Variants in TMEM131 observed in about 807,000 individuals in gnomAD.
The protein encoded by TMEM131 is transmembrane protein 131.
Under a neutral mutation model 211.6 loss-of-function variants are expected in TMEM131, and 66 were observed. The observed-to-expected ratio is 0.31, with a 90% CI of 0.26 to 0.38. The LOEUF is 0.38. TMEM131 is among the 10% of genes least tolerant of loss of function. The probability of loss-of-function intolerance (pLI) is 1.00; values close to 1 mark genes in which losing one functional copy is unlikely to be tolerated. For synonymous variants in TMEM131, 844 were observed against 841.3 expected, an observed-to-expected ratio of 1.00 and a Z score of -0.06; for missense variants, 2,036 against 2,299.3, an observed-to-expected ratio of 0.89 and a Z score of 2.34.
chr2:97,946,287 A>T (rs1678035777), intron 1 of TMEM131, among the ~76,000 whole-genome samples: 1 of 152,038 alleles, frequency 6.6e-6, no homozygotes, highest in Non-Finnish European at 1.5e-5. Flanking sequence ...AATAAAGTAG[A>T]AAGCAGAAAA....
chr2:97,898,280 A>C (rs1232503237), intron 3 of TMEM131, among the ~76,000 whole-genome samples: 1 of 152,106 alleles, frequency 6.6e-6, no homozygotes, highest in Non-Finnish European at 1.5e-5. Context: ...TAAAGCTATA[A>C]ATGTCTATTT....
At chr2:97,963,479 C>G (rs1678909999) in intron 1 of TMEM131, among the ~76,000 whole-genome samples, 2 of 152,114 alleles carry the variant, frequency 1.3e-5, no homozygotes, top group Admixed American at 6.5e-5. Context: ...TTTTGGGAGG[C>G]TGAGGTGAGC....
At chr2:97,825,763 T>A (rs1682352407) in intron 11 of TMEM131, among the ~76,000 whole-genome samples, 1 of 152,160 alleles carries the variant, frequency 6.6e-6, no homozygotes, top group East Asian at 1.9e-4. Context: ...AGAAAACTGA[T>A]GTAGTAGCAA....
intron 1 of TMEM131, 117 bp from the exon 2 acceptor site, chr2:97,927,604 G>T: frequency 2.7e-6 from 2 of 728,606 alleles, no homozygotes; most frequent in Non-Finnish European, 2.0e-6. Context: ...CTGCTTAATG[G>T]TGATGGTTGA....
intron 1 of TMEM131, among the ~76,000 whole-genome samples, chr2:97,954,411 C>T (rs776356115): frequency 1.3e-5 from 2 of 152,110 alleles, no homozygotes; most frequent in Non-Finnish European, 2.9e-5. Flanking sequence ...TTTGAAAATA[C>T]GGACCAATTC....
At chr2:97,802,104 A>C in intron 24 of TMEM131, 143 bp from the exon 25 acceptor site, 1 of 528,194 alleles carries the variant, frequency 1.9e-6, no homozygotes. Context: ...TATAGCCTTA[A>C]GAAAATTAAA....
chr2:97,954,186 A>T lies in TMEM131; in HGVS notation c.188-26699T>A, dbSNP rs78568909. ...ACAAGAGCAGAAACCAATGAAATTG[A>T]AAACAGGAAAATAACAACAACAAAA... On this transcript the variant is annotated intron_variant, in intron 1 of 40. Transcript: ENST00000186436. Among the ~76,000 whole-genome samples the T allele has an allele frequency of 2.0e-5, 3 of 152,320 alleles. No individual in the cohort carries two copies. The East Asian group carries it at 5.8e-4, about 29-fold the overall frequency.
chr2:97,828,831 G>A (rs543552799), intron 11 of TMEM131, among the ~76,000 whole-genome samples: 1 of 152,206 alleles, frequency 6.6e-6, no homozygotes, highest in Non-Finnish European at 1.5e-5. Flanking sequence ...TGGAGTTGGG[G>A]AACATGGCAT....
At chr2:97,939,597 T>G (rs1677622513) in intron 1 of TMEM131, among the ~76,000 whole-genome samples, 1 of 152,148 alleles carries the variant, frequency 6.6e-6, no homozygotes, top group Admixed American at 6.5e-5. Context: ...ACCAGAGGTA[T>G]AAAGAGGAGC....
intron 6 of TMEM131, 41 bp downstream of exon 6, chr2:97,844,104 T>C: frequency 1.8e-6 from 1 of 563,142 alleles, no homozygotes; most frequent in Non-Finnish European, 2.8e-6. Context: ...GCAGAGGTAA[T>C]GATTATATTG....
At chr2:97,811,926 C>CT (rs1463079737) in intron 17 of TMEM131, among the ~76,000 whole-genome samples, 1 of 148,188 alleles carries the variant, frequency 6.7e-6, no homozygotes, top group Non-Finnish European at 1.5e-5. Flanking sequence ...GTTTAGCGCT[C>CT]TCTGACAACC....
intron 4 of TMEM131, among the ~76,000 whole-genome samples, chr2:97,883,653 T>C (rs980807333): frequency 2.6e-5 from 4 of 152,234 alleles, no homozygotes; most frequent in African/African-American, 4.8e-5. Context: ...GAAATAGTCA[T>C]GGTTGTGTTT....
intron 3 of TMEM131, among the ~76,000 whole-genome samples, chr2:97,901,800 G>T (rs1040160400): frequency 3.0e-4 from 46 of 152,270 alleles, no homozygotes; most frequent in Middle Eastern, 3.4e-3. Context: ...TTTGGTGTGA[G>T]AGGGAGGATG....
chr2:97,964,243 C>CTA (rs1651992141), intron 1 of TMEM131, among the ~76,000 whole-genome samples: 1 of 152,214 alleles, frequency 6.6e-6, no homozygotes, highest in Non-Finnish European at 1.5e-5. Flanking sequence ...TGCTGTAATA[C>CTA]AATTTAGGAA....
intron 31 of TMEM131, among the ~76,000 whole-genome samples, chr2:97,787,691 T>C (rs1268301933): frequency 1.3e-5 from 2 of 152,232 alleles, no homozygotes; most frequent in African/African-American, 4.8e-5. Context: ...GATGTTCACC[T>C]ACTTTTACAG....
At chr2:97,871,838 C>A (rs1279070955) in intron 4 of TMEM131, among the ~76,000 whole-genome samples, 2 of 152,034 alleles carry the variant, frequency 1.3e-5, no homozygotes, top group African/African-American at 4.8e-5. Flanking sequence ...TCTCAGTGAA[C>A]TGGTTTTGTC....
At chr2:97,773,731 T>G (rs1679577623) in intron 32 of TMEM131, among the ~76,000 whole-genome samples, 1 of 151,838 alleles carries the variant, frequency 6.6e-6, no homozygotes, top group African/African-American at 2.4e-5. Context: ...GCCTCCTGAG[T>G]AGCTAGGACT....
In TMEM131 at chr2:97,804,742, A is replaced by C. The variant is rs188369796; in HGVS notation, c.2402+346T>G. 4.3e-4 allele frequency among the ~76,000 whole-genome samples: 66 copies of C among 152,270 alleles called. No individual in the cohort carries two copies. In the East Asian group the frequency reaches 0.013, roughly 29 times the overall value. On this transcript the variant is annotated intron_variant, in intron 22 of 40. Transcript: ENST00000186436. ...CCTAGAAAATGTTTCCCTTGCCTTT[A>C]ACAGACATCAGTGGTAGGTAAAAAA...
chr2:97,822,146 C>T (rs570449601), intron 11 of TMEM131, among the ~76,000 whole-genome samples: 1 of 152,298 alleles, frequency 6.6e-6, no homozygotes, highest in South Asian at 2.1e-4. Flanking sequence ...TCTCTGATGC[C>T]TTTCTAGTTT....
Sources: gnomAD v4.1 joint callset for allele counts (sites outside exome capture counted in the v4.1 genomes callset) on GRCh38, gnomAD v4.1.1 for gene constraint, MANE v1.5 for transcripts, NCBI Gene and HGNC (gene_info 2026-07-23, HGNC 2026-07-21) for gene names.